PCDHGA12: variants seen among roughly 807,000 people sequenced by gnomAD.
The protein encoded by PCDHGA12 is protocadherin gamma-A12.
PCDHGA12 carries 43 observed loss-of-function variants against 61.1 expected under a neutral mutation model. The ratio of observed to expected loss-of-function variants is 0.70; its 90% CI spans 0.55 to 0.91. The LOEUF (loss-of-function observed/expected upper bound fraction) is 0.91. PCDHGA12 is among the 40% of genes least tolerant of loss of function. The pLI, the probability that PCDHGA12 is intolerant of heterozygous loss-of-function variation, is 0.00. For missense variants in PCDHGA12, 1,236 were observed against 1,227.7 expected, an observed-to-expected ratio of 1.01 and a Z score of -0.10; for synonymous variants, 520 against 542.9, an observed-to-expected ratio of 0.96 and a Z score of 0.59.
chr5:141,492,164 C>T (rs1180358388), intron 1 of PCDHGA12, among the ~76,000 whole-genome samples: 2 of 152,230 alleles, frequency 1.3e-5, no homozygotes, highest in East Asian at 1.9e-4. Context: ...CTCCCTATCC[C>T]CGCATCACCC....
intron 1 of PCDHGA12, among the ~76,000 whole-genome samples, chr5:141,452,803 A>G (rs1045171800): frequency 2.6e-5 from 4 of 152,186 alleles, no homozygotes; most frequent in African/African-American, 9.7e-5. Context: ...TTTTTGCTGT[A>G]GTTTGTTCAT....
At chr5:141,505,308 G>A in intron 2 of PCDHGA12, 85 bp from the exon 3 acceptor site, 1 of 1,598,660 alleles carries the variant, frequency 6.3e-7, no homozygotes, top group Non-Finnish European at 8.5e-7. Flanking sequence ...TAGGGTACTA[G>A]GTTTGGGAGC....
intron 2 of PCDHGA12, among the ~76,000 whole-genome samples, chr5:141,500,705 T>A (rs1169100560): frequency 6.6e-6 from 1 of 152,220 alleles, no homozygotes; most frequent in Non-Finnish European, 1.5e-5. Context: ...TTGCAGTGTA[T>A]CATGAGAATT....
At position 141,474,199 on chromosome 5, in the gene PCDHGA12, G is replaced by C. The variant is rs74540928; in HGVS notation, c.2425-20608G>C. Reference sequence around the variant, plus strand: ...AAAACTACTTACATTTTTAAAAGCTGATTTTCAAAAACCAGATTGTGAATT... The same window carrying C: ...AAAACTACTTACATTTTTAAAAGCTCATTTTCAAAAACCAGATTGTGAATT... On this transcript the variant is annotated intron_variant, in intron 1 of 3. Transcript: ENST00000252085. Among the ~76,000 whole-genome samples, 85 of 152,308 alleles carry C rather than the reference G, an allele frequency of 5.6e-4. 1 individual carries two copies. In the East Asian group the frequency reaches 0.016, roughly 29 times the overall value.
rs2099718995 is a variant in PCDHGA12 at position 141,491,523 on chromosome 5, G to A, written c.2425-3284G>A. On this transcript the variant is annotated intron_variant, in intron 1 of 3. Transcript: ENST00000252085. This position sits in a 1 kb window ranked among gnomAD's most constrained non-coding sequence, Gnocchi z 6.9. ...CGGACGGCACGCTCAAGTACATGGAGGTGACGCTGCGGCCCACAGACTCGC... is the reference window on the plus strand; with the variant it reads ...CGGACGGCACGCTCAAGTACATGGAAGTGACGCTGCGGCCCACAGACTCGC... The A allele has an allele frequency of 3.1e-6, 5 of 1,613,954 alleles. No individual in the cohort carries two copies. The highest frequency in any genetic ancestry group is 3.4e-6 in the Non-Finnish European group (4 of 1,180,032).
chr5:141,478,121 G>T lies in PCDHGA12; in HGVS notation c.2425-16686G>T. On this transcript the variant is annotated intron_variant, in intron 1 of 3. Coordinates refer to ENST00000252085, the MANE Select transcript of PCDHGA12 (RefSeq NM_003735.3). ...TACCCTCACTGTGTCAGTAACCGAG[G>T]ACTCTCCTGAAGCCCGAGCCGAGTT... 2.5e-6 allele frequency: 4 copies of T among 1,614,036 alleles called. No individual in the cohort carries two copies. In the African/African-American group the frequency reaches 4.0e-5, roughly 16 times the overall value.
In PCDHGA12 at chr5:141,487,761, C is replaced by T. The variant is rs1331182183; in HGVS notation, c.2425-7046C>T. Reference sequence around the variant, plus strand: ...GTAAGAGGTAACTATGTGGTAGACGCTGTGCTTTGTAACTGTTTCGTGAAT... The same window carrying T: ...GTAAGAGGTAACTATGTGGTAGACGTTGTGCTTTGTAACTGTTTCGTGAAT... On this transcript the variant is annotated intron_variant, in intron 1 of 3. Coordinates refer to ENST00000252085, the MANE Select transcript of PCDHGA12 (RefSeq NM_003735.3). The surrounding 1 kb of genome is among the most constrained non-coding windows in gnomAD (Gnocchi z 5.0). 3.2e-6 allele frequency: 5 copies of T among 1,545,926 alleles called. No individual in the cohort carries two copies. Among genetic ancestry groups the T allele is most frequent in the South Asian group, 1.2e-5 (1 of 83,534 alleles).
At chr5:141,494,772 G>C in intron 1 of PCDHGA12, 35 bp from the exon 2 acceptor site, 1 of 1,613,982 alleles carries the variant, frequency 6.2e-7, no homozygotes, top group Non-Finnish European at 8.5e-7. Context: ...ACTTCTCACG[G>C]GTACTCAGCC....
intron 1 of PCDHGA12, chr5:141,478,485 G>C (rs2099459345): frequency 1.2e-6 from 2 of 1,613,204 alleles, no homozygotes; most frequent in East Asian, 4.5e-5. Flanking sequence ...AACACGCTGC[G>C]GAGCTGTGAT....
intron 1 of PCDHGA12, chr5:141,478,023 A>G (rs2099428714): frequency 6.2e-7 from 1 of 1,614,112 alleles, no homozygotes; most frequent in South Asian, 1.1e-5. Flanking sequence ...CCAGTCCAAG[A>G]CACAGATTCA....
chr5:141,430,711 C>T lies in PCDHGA12; in HGVS notation c.-49C>T, dbSNP rs2097304226. The T allele has an allele frequency of 1.3e-6, 2 of 1,483,856 alleles. No homozygotes were observed. Among genetic ancestry groups the T allele is most frequent in the African/African-American group, 2.8e-5 (2 of 70,790 alleles). The allele number at this position is 1,483,856 out of a possible 1,614,324, so 91.9% of individuals were successfully genotyped here. ...CTATGGGCGAAGGAACTGCTCCTGA[C>T]TTCAGTGGTTAAGGGCAGAATTGAA... On this transcript the variant is annotated 5_prime_UTR_variant, in exon 1 of 4. Transcript: ENST00000252085.
At chr5:141,465,852 G>A (rs1250863307) in intron 1 of PCDHGA12, among the ~76,000 whole-genome samples, 1 of 151,996 alleles carries the variant, frequency 6.6e-6, no homozygotes, top group East Asian at 1.9e-4. Context: ...GCTGGGCCCA[G>A]TGGCTCATGC....
At chr5:141,454,320 C>G (rs140074578) in intron 1 of PCDHGA12, among the ~76,000 whole-genome samples, 4 of 152,148 alleles carry the variant, frequency 2.6e-5, no homozygotes, top group Admixed American at 2.6e-4. Context: ...ATTGAAACCT[C>G]CAAGAATAAA....
At chr5:141,472,295 A>G (rs147192748) in intron 1 of PCDHGA12, among the ~76,000 whole-genome samples, 8,225 of 152,254 alleles carry the variant, frequency 0.054, 462 homozygotes, top group African/African-American at 0.15. Flanking sequence ...TAATCCCAGC[A>G]CTTTGGGAAG....
At chr5:141,459,723 T>G (rs1024452676) in intron 1 of PCDHGA12, among the ~76,000 whole-genome samples, 3 of 152,254 alleles carry the variant, frequency 2.0e-5, no homozygotes, top group African/African-American at 7.2e-5. Context: ...ATGCTTCCTA[T>G]TGTCAATTTT....
intron 3 of PCDHGA12, among the ~76,000 whole-genome samples, chr5:141,509,732 C>T (rs931066969): frequency 3.9e-5 from 6 of 152,182 alleles, no homozygotes; most frequent in Non-Finnish European, 5.9e-5. Flanking sequence ...CTAGCTGTGG[C>T]ACTCTGAGCC....
In PCDHGA12 at chr5:141,477,028, G is replaced by A. The variant is rs1015508317; in HGVS notation, c.2425-17779G>A. On this transcript the variant is annotated intron_variant, in intron 1 of 3. Coordinates refer to ENST00000252085, the MANE Select transcript of PCDHGA12 (RefSeq NM_003735.3). The surrounding 1 kb of genome is among the most constrained non-coding windows in gnomAD (Gnocchi z 4.9). ...CCTTAGACCTTGTAACCGGGATGCT[G>A]ACAATCAAGGGTCGGCTGGACTTCG... The A allele has an allele frequency of 2.5e-6, 4 of 1,614,146 alleles. No homozygotes were observed. The highest frequency in any genetic ancestry group is 1.7e-5 in the Admixed American group (1 of 60,018).
rs1330257915 is a variant in PCDHGA12 at position 141,486,153 on chromosome 5, C to T, written c.2425-8654C>T. Reference sequence around the variant, plus strand: ...GATGTGCGGGCTCGCGATGGGGGTTCTCCAGCCATGGAGCAACATTGCAGC... The same window carrying T: ...GATGTGCGGGCTCGCGATGGGGGTTTTCCAGCCATGGAGCAACATTGCAGC... On this transcript the variant is annotated intron_variant, in intron 1 of 3. Transcript: ENST00000252085. This position sits in a 1 kb window ranked among gnomAD's most constrained non-coding sequence, Gnocchi z 5.0. 1 of 1,614,084 alleles carries T rather than the reference C, an allele frequency of 6.2e-7. No homozygotes were observed. Among genetic ancestry groups the T allele is most frequent in the Non-Finnish European group, 8.5e-7 (1 of 1,180,036 alleles).
chr5:141,489,867 G>C lies in PCDHGA12; in HGVS notation c.2425-4940G>C. ...ATCGTGAAGCCCAGGCAAGACATCA[G>C]CTGGTGCTTACTGCTGTGGATGGGG... On this transcript the variant is annotated intron_variant, in intron 1 of 3. Transcript: ENST00000252085. This position sits in a 1 kb window ranked among gnomAD's most constrained non-coding sequence, Gnocchi z 4.5. 1 of 1,614,240 alleles carries C rather than the reference G, an allele frequency of 6.2e-7. No individual in the cohort carries two copies. Among genetic ancestry groups the C allele is most frequent in the Non-Finnish European group, 8.5e-7 (1 of 1,180,034 alleles).
Sources: allele counts gnomAD v4.1 joint callset (sites outside exome capture counted in the v4.1 genomes callset), GRCh38; gene constraint gnomAD v4.1.1; non-coding constraint Gnocchi (gnomAD v3.1); transcripts MANE v1.5; gene names NCBI Gene and HGNC (gene_info 2026-07-23, HGNC 2026-07-21).